Variants in ASAH1 observed in about 807,000 individuals in gnomAD.
The protein encoded by ASAH1 is acid ceramidase.
Under a neutral mutation model 59.5 loss-of-function variants are expected in ASAH1, and 70 were observed. The observed-to-expected ratio is 1.18, with a 90% CI of 0.97 to 1.43. The LOEUF (loss-of-function observed/expected upper bound fraction) is 1.43. Among genes scored for constraint, ASAH1 ranks in the 40% most tolerant of loss-of-function variants. The pLI is 0.00. For synonymous variants in ASAH1, 213 were observed against 166.5 expected, an observed-to-expected ratio of 1.28 and a Z score of -2.15; for missense variants, 660 against 482.5, an observed-to-expected ratio of 1.37 and a Z score of -3.45.
At chr8:18,073,179 G>C in intron 2 of ASAH1, 1 of 1,351,872 alleles carries the variant, frequency 7.4e-7, no homozygotes, top group Non-Finnish European at 1.0e-6. Flanking sequence ...TTTACCTCTC[G>C]TTAAACAGTT....
chr8:18,075,088 C>T (rs368991046), intron 2 of ASAH1, among the ~76,000 whole-genome samples: 1,814 of 144,100 alleles, frequency 0.013, 20 homozygotes, highest in African/African-American at 0.025. Context: ...CTCCGCCTCC[C>T]GGGTTCACGC....
chr8:18,064,077 A>G (rs1032484938), intron 6 of ASAH1: 3 of 350,502 alleles, frequency 8.6e-6, no homozygotes, highest in African/African-American at 2.1e-5. Context: ...AGGATGGGAG[A>G]ATGTGTGTTC....
At chr8:18,083,047 A>C (rs1456647985) in intron 1 of ASAH1, 1 of 152,166 alleles carries the variant, frequency 6.6e-6, no homozygotes, top group Non-Finnish European at 1.5e-5. Flanking sequence ...ATATCCCACC[A>C]TGATTTTAAA....
intron 5 of ASAH1, 83 bp downstream of exon 5, chr8:18,067,118 CTAAGACATACAGCACCTGT>C: frequency 5.6e-6 from 3 of 535,192 alleles, no homozygotes; most frequent in South Asian, 5.5e-5. Context: ...TGCTGTATAT[CTAAGACATACAGCACCTGT>C]GCTGTATGTA....
chr8:18,070,054 C>T (rs1800097551), intron 3 of ASAH1, among the ~76,000 whole-genome samples, 176 bp from the exon 4 acceptor site: 1 of 152,214 alleles, frequency 6.6e-6, no homozygotes, highest in Non-Finnish European at 1.5e-5. Context: ...CATCTCGGCT[C>T]ACTGCAATCT....
rs759825713 is a variant in ASAH1 at position 18,057,513 on chromosome 8, T to C, written c.*21A>G. 3.4e-5 allele frequency: 54 copies of C among 1,566,222 alleles called. No homozygotes were observed. The highest frequency in any genetic ancestry group is 5.4e-5 in the African/African-American group (4 of 73,600). Reference sequence around the variant, plus strand: ...GTGTCTTCATGTCTCAGAGGCCGCATTCTGTAGGCCAGACGTGTGCTCACC... The same window carrying C: ...GTGTCTTCATGTCTCAGAGGCCGCACTCTGTAGGCCAGACGTGTGCTCACC... On this transcript the variant is annotated 3_prime_UTR_variant, in exon 14 of 14. Transcript: ENST00000637790.
chr8:18,066,685 A>G (rs1799942300), intron 5 of ASAH1: 1 of 152,820 alleles, frequency 6.5e-6, no homozygotes, highest in African/African-American at 2.4e-5. Flanking sequence ...ATAAGGCTAA[A>G]CACACAATTA....
chr8:18,075,002 CT>C (rs1179307675), intron 2 of ASAH1, among the ~76,000 whole-genome samples: 43 of 140,166 alleles, frequency 3.1e-4, no homozygotes, highest in East Asian at 1.2e-3. Context: ...AAATCCTTTC[CT>C]TTTTTTTTTT....
At chr8:18,078,287 G>A (rs1211351522) in intron 1 of ASAH1, among the ~76,000 whole-genome samples, 2 of 152,130 alleles carry the variant, frequency 1.3e-5, no homozygotes, top group African/African-American at 4.8e-5. Context: ...GCTCTGTCTA[G>A]TATTAGGAGA....
intron 5 of ASAH1, chr8:18,065,002 T>C (rs1799872524): frequency 6.5e-6 from 1 of 154,768 alleles, no homozygotes; most frequent in Non-Finnish European, 1.4e-5. Flanking sequence ...GTATTTTATT[T>C]TTTGAATATT....
Position 18,061,447 on chromosome 8 carries a change from A to G in ASAH1, c.715T>C (p.Trp239Arg). 6.2e-7 allele frequency: 1 copy of G among 1,612,024 alleles called. No homozygotes were observed. The highest frequency in any genetic ancestry group is 8.5e-7 in the Non-Finnish European group (1 of 1,178,022). The change falls in exon 10 of 14, where the codon TGG becomes CGG. Residue 239 changes from tryptophan (W) to arginine (R), a missense_variant. Trp to Arg is a moderately radical substitution (Grantham distance 101, BLOSUM62 -3). Transcript: ENST00000637790. ...INGGYLGILE[W>R]ILGKKDVMWI... Reference sequence around the variant, plus strand: ...ATGACATCTTTCTTTCCCAGAATCCATTCTAGAATACCTGGAAGAGATGAA... The same window carrying G: ...ATGACATCTTTCTTTCCCAGAATCCGTTCTAGAATACCTGGAAGAGATGAA...
chr8:18,084,029 G>A lies in ASAH1; in HGVS notation c.30C>T (p.Val10=), dbSNP rs1192184000. The A allele has an allele frequency of 6.3e-6, 10 of 1,598,730 alleles. No individual in the cohort carries two copies. Among genetic ancestry groups the A allele is most frequent in the Non-Finnish European group, 8.5e-6 (10 of 1,179,658 alleles). Residue 10 remains valine (V), a synonymous_variant, in exon 1 of 14, where the codon GTC becomes GTT. Coordinates refer to ENST00000637790, the MANE Select transcript of ASAH1 (RefSeq NM_177924.5). Reference sequence around the variant, plus strand: ...CACAGCTGACGGCGGCAGCCAGGAGGACTAAGGCGACGCAACTCCGGCCCG... The same window carrying A: ...CACAGCTGACGGCGGCAGCCAGGAGAACTAAGGCGACGCAACTCCGGCCCG... MPGRSCVAL[V]LLAAAVSCAV... is the part of the protein sequence containing the mutation.
At chr8:18,079,082 G>C (rs1369847495) in intron 1 of ASAH1, among the ~76,000 whole-genome samples, 2 of 152,024 alleles carry the variant, frequency 1.3e-5, no homozygotes, top group Non-Finnish European at 2.9e-5. Context: ...TTCAAGACCA[G>C]CCTGGCCAAC....
upstream of ASAH1, chr8:18,084,815 T>G (rs1448561698): frequency 1.9e-6 from 3 of 1,612,718 alleles, no homozygotes; most frequent in South Asian, 1.1e-5. Flanking sequence ...GCGGCTGTGT[T>G]TCCTCCTAAC....
chr8:18,061,420 A>C lies in ASAH1; in HGVS notation c.742T>G (p.Trp248Gly). Residue 248 changes from tryptophan to glycine, a missense_variant, in exon 10 of 14, where the codon TGG (tryptophan) becomes GGG (glycine). Coordinates refer to ENST00000637790, the MANE Select transcript of ASAH1 (RefSeq NM_177924.5). The stretch of plus-strand genomic sequence containing the variant: ...ACTGTTCTAGTGAGGAACCCTATCC[A>C]CATGACATCTTTCTTTCCCAGAATC... ...EWILGKKDVM[W>G]IGFLTRTVLE... 1 of 1,613,244 alleles carries C rather than the reference A, an allele frequency of 6.2e-7. No individual in the cohort carries two copies. Among genetic ancestry groups the C allele is most frequent in the Non-Finnish European group, 8.5e-7 (1 of 1,179,122 alleles).
intron 5 of ASAH1, 108 bp from the exon 6 acceptor site, chr8:18,064,639 GC>G: frequency 1.4e-6 from 1 of 716,068 alleles, no homozygotes; most frequent in Non-Finnish European, 2.4e-6. Context: ...GTGTGCTTTG[GC>G]CAGTGGGGCT....
rs934730070 is a variant in ASAH1 at position 18,056,538 on chromosome 8, G to A, written c.*996C>T. 3 of 152,136 alleles carry A rather than the reference G, an allele frequency of 2.0e-5. No individual in the cohort carries two copies. The highest frequency in any genetic ancestry group is 2.9e-5 in the Non-Finnish European group (2 of 68,034). The allele number at this position is 152,136 out of a possible 1,614,324, so 9.4% of individuals were successfully genotyped here. ...GGACAAACGGTCTTGCACAAATGAC[G>A]TACATTTCACAGTTAATCGTGAAGG... On this transcript the variant is annotated 3_prime_UTR_variant, in exon 14 of 14. Coordinates refer to ENST00000637790, the MANE Select transcript of ASAH1 (RefSeq NM_177924.5).
chr8:18,063,848 C>G (rs915731421), intron 6 of ASAH1: 2 of 158,870 alleles, frequency 1.3e-5, no homozygotes, highest in African/African-American at 4.8e-5. Flanking sequence ...ACACAGAAAT[C>G]GGAGCCTCAA....
intron 2 of ASAH1, among the ~76,000 whole-genome samples, chr8:18,075,121 G>A (rs542389208): frequency 6.6e-6 from 1 of 150,922 alleles, no homozygotes; most frequent in East Asian, 1.9e-4. Flanking sequence ...TCAGCCTCCA[G>A]AGTAGCTGGG....
Sources: allele counts gnomAD v4.1 joint callset (sites outside exome capture counted in the v4.1 genomes callset), GRCh38; gene constraint gnomAD v4.1.1; transcripts MANE v1.5; gene names NCBI Gene and HGNC (gene_info 2026-07-23, HGNC 2026-07-21).